The following GRID2 variants were observed in gnomAD, a reference collection of about 807,000 sequenced individuals.
GRID2 encodes glutamate ionotropic receptor delta type subunit 2.
In GRID2, 33 loss-of-function variants were observed where a neutral mutation model predicts 114.8. That is an observed-to-expected ratio of 0.29 (90% CI 0.22 to 0.38). GRID2 has a LOEUF of 0.38. GRID2 is among the 10% of genes least tolerant of loss of function. The pLI, the probability that GRID2 is intolerant of heterozygous loss-of-function variation, is 1.00. For missense variants in GRID2, 1,184 were observed against 1,257.7 expected (o/e 0.94, Z 0.89); for synonymous variants, 505 against 449.9 (o/e 1.12, Z -1.55).
chr4:93,623,304 C>T (rs1742384596), intron 13 of GRID2, among the ~76,000 whole-genome samples: 1 of 147,664 alleles, frequency 6.8e-6, no homozygotes, highest in Non-Finnish European at 1.5e-5. Context: ...TATCTCTCCC[C>T]TAGCCCCCTG....
At chr4:93,363,009 C>A (rs1762017722) in intron 8 of GRID2, among the ~76,000 whole-genome samples, 1 of 152,138 alleles carries the variant, frequency 6.6e-6, no homozygotes, top group Non-Finnish European at 1.5e-5. Flanking sequence ...TGTTTGAGGC[C>A]AGGAGTTCGG....
intron 2 of GRID2, among the ~76,000 whole-genome samples, chr4:92,909,716 T>G (rs1748227235): frequency 1.3e-5 from 2 of 152,168 alleles, no homozygotes; most frequent in African/African-American, 4.8e-5. Flanking sequence ...AACTTTAACA[T>G]TATTTGCTAA....
chr4:92,895,405 A>AT (rs1560677408), intron 2 of GRID2, among the ~76,000 whole-genome samples: 5 of 146,054 alleles, frequency 3.4e-5, no homozygotes, highest in South Asian at 2.1e-4. Flanking sequence ...ATATATATAT[A>AT]AACTGAAAGA....
chr4:92,870,213 A>C (rs1745172172), intron 2 of GRID2, among the ~76,000 whole-genome samples: 1 of 151,430 alleles, frequency 6.6e-6, no homozygotes, highest in Non-Finnish European at 1.5e-5. Context: ...AAAAAGAACA[A>C]AAAAACCATA....
intron 2 of GRID2, among the ~76,000 whole-genome samples, chr4:92,802,840 A>G (rs1279340660): frequency 6.6e-6 from 1 of 151,912 alleles, no homozygotes; most frequent in African/African-American, 2.4e-5. Flanking sequence ...CTTCATTCCA[A>G]TGGGAGGAGG....
At position 93,457,639 on chromosome 4, in the gene GRID2, G is replaced by A. The variant is rs201831156; in HGVS notation, c.1858+1665G>A. On this transcript the variant is annotated intron_variant, in intron 11 of 15. Transcript: ENST00000282020. ...GTTGATGTGGCTTGCTCAAAGGTAA[G>A]GTAGCTTTGGGAGTCAAGAGGAGAG... 5.9e-5 allele frequency among the ~76,000 whole-genome samples: 9 copies of A among 152,242 alleles called. No individual in the cohort carries two copies. In the East Asian group the frequency reaches 1.7e-3, roughly 29 times the overall value.
chr4:93,577,258 G>A (rs17276536), intron 13 of GRID2, among the ~76,000 whole-genome samples: 4,359 of 152,188 alleles, frequency 0.029, 109 homozygotes, highest in Non-Finnish European at 0.042. Context: ...CCTAATAAAT[G>A]TCTGTGCTTT....
At chr4:92,307,701 G>C (rs1423944559) in intron 1 of GRID2, among the ~76,000 whole-genome samples, 1 of 151,856 alleles carries the variant, frequency 6.6e-6, no homozygotes, top group Non-Finnish European at 1.5e-5. Flanking sequence ...ACAATTTTAT[G>C]ATTACTTTGA....
At chr4:93,770,426 A>G (rs1734014841) in intron 15 of GRID2, among the ~76,000 whole-genome samples, 2 of 152,242 alleles carry the variant, frequency 1.3e-5, no homozygotes, top group South Asian at 2.1e-4. Context: ...TCTCATTTGC[A>G]TATGAATTGT....
chr4:93,463,987 T>TCAAAAA (rs957933980), intron 11 of GRID2, among the ~76,000 whole-genome samples: 3 of 151,906 alleles, frequency 2.0e-5, no homozygotes, highest in African/African-American at 7.3e-5. Context: ...AGACTCCATC[T>TCAAAAA]CAAAAACAAA....
intron 13 of GRID2, among the ~76,000 whole-genome samples, chr4:93,590,595 G>A (rs1738144327): frequency 6.6e-6 from 1 of 152,216 alleles, no homozygotes; most frequent in South Asian, 2.1e-4. Context: ...TCTGAAGAAA[G>A]GCATTGGTAG....
At chr4:93,052,242 T>G (rs771023601) in intron 2 of GRID2, among the ~76,000 whole-genome samples, 9 of 151,976 alleles carry the variant, frequency 5.9e-5, no homozygotes, top group Non-Finnish European at 8.8e-5. Flanking sequence ...AAGTTTCTCA[T>G]CTAAGTACAC....
At chr4:93,738,728 C>T (rs756102927) in intron 14 of GRID2, among the ~76,000 whole-genome samples, 12 of 151,806 alleles carry the variant, frequency 7.9e-5, no homozygotes, top group Non-Finnish European at 1.5e-4. Context: ...TATGGAGATC[C>T]CACTGAGCAG....
intron 10 of GRID2, among the ~76,000 whole-genome samples, chr4:93,425,548 T>C (rs1768759348): frequency 6.6e-6 from 1 of 152,206 alleles, no homozygotes; most frequent in African/African-American, 2.4e-5. Context: ...ATCCCCTCTT[T>C]AGCACGTTTA....
chr4:92,803,215 G>T (rs1439126396), intron 2 of GRID2, among the ~76,000 whole-genome samples: 7 of 151,910 alleles, frequency 4.6e-5, no homozygotes, highest in South Asian at 2.1e-4. Context: ...AACCAAAGCT[G>T]GCATTCTATT....
chr4:93,677,975 A>T (rs1264505415), intron 14 of GRID2, among the ~76,000 whole-genome samples: 1 of 151,592 alleles, frequency 6.6e-6, no homozygotes, highest in Non-Finnish European at 1.5e-5. Context: ...CGATCAAACT[A>T]CTCCGAGCTA....
intron 1 of GRID2, among the ~76,000 whole-genome samples, chr4:92,345,095 C>T (rs1337334597): frequency 6.6e-6 from 1 of 152,172 alleles, no homozygotes; most frequent in Non-Finnish European, 1.5e-5. Context: ...ACATTTACAA[C>T]TTTATAGCTT....
In GRID2 at chr4:93,556,056, G is replaced by A. The variant is rs1410275949; in HGVS notation, c.2193+40645G>A. On this transcript the variant is annotated intron_variant, in intron 13 of 15. Transcript: ENST00000282020. ...GAAAACTAACAAACAGAAAAGAATA[G>A]CATCAACATCAACAAAAAGGATGTC... 3.3e-5 allele frequency among the ~76,000 whole-genome samples: 5 copies of A among 152,156 alleles called. No homozygotes were observed. The East Asian group carries it at 5.8e-4, about 18-fold the overall frequency.
At chr4:92,347,102 T>A (rs1727806544) in intron 1 of GRID2, among the ~76,000 whole-genome samples, 1 of 152,204 alleles carries the variant, frequency 6.6e-6, no homozygotes, top group Admixed American at 6.5e-5. Context: ...CAGATTGAGA[T>A]TAGAATCTCT....
Sources: allele counts gnomAD v4.1 joint callset (sites outside exome capture counted in the v4.1 genomes callset), GRCh38; gene constraint gnomAD v4.1.1; transcripts MANE v1.5; gene names NCBI Gene and HGNC (gene_info 2026-07-23, HGNC 2026-07-21).